The following IRAK2 variants were observed in gnomAD, a reference collection of about 807,000 sequenced individuals.
IRAK2 encodes the protein interleukin-1 receptor-associated kinase-like 2.
A neutral mutation model predicts 72.0 loss-of-function variants in IRAK2; 57 were observed. The observed-to-expected ratio is 0.79, with a 90% CI of 0.64 to 0.99. The LOEUF is 0.99. IRAK2 is among the 50% of genes least tolerant of loss of function. The probability of loss-of-function intolerance (pLI) is 0.00; values close to 1 mark genes in which losing one functional copy is unlikely to be tolerated. For missense variants in IRAK2, 790 were observed against 794.4 expected (o/e 0.99, Z 0.07); for synonymous variants, 293 against 312.7 (o/e 0.94, Z 0.67).
At chr3:10,209,039 A>G (rs1169392302) in intron 3 of IRAK2, among the ~76,000 whole-genome samples, 3 of 151,696 alleles carry the variant, frequency 2.0e-5, no homozygotes, top group Non-Finnish European at 2.9e-5. Context: ...GTTTCTCCAT[A>G]TTTCAAGCCC....
At chr3:10,185,254 T>C (rs1697054742) in intron 2 of IRAK2, among the ~76,000 whole-genome samples, 2 of 151,108 alleles carry the variant, frequency 1.3e-5, no homozygotes, top group Non-Finnish European at 2.9e-5. Flanking sequence ...TGATGCACCT[T>C]GAAGTTTAAG....
At chr3:10,205,695 T>C (rs1470242125) in intron 3 of IRAK2, among the ~76,000 whole-genome samples, 3 of 152,210 alleles carry the variant, frequency 2.0e-5, no homozygotes, top group Non-Finnish European at 4.4e-5. Context: ...ACCTGGGTGT[T>C]AGCACAAATA....
intron 9 of IRAK2, among the ~76,000 whole-genome samples, chr3:10,225,640 T>A (rs1052721927): frequency 2.0e-5 from 3 of 152,134 alleles, no homozygotes; most frequent in Non-Finnish European, 2.9e-5. Context: ...GCATGCAGAG[T>A]CTTTCCTTCC....
chr3:10,242,108 A>T lies in IRAK2; in HGVS notation c.1766-8A>T. The stretch of plus-strand genomic sequence containing the variant: ...AGTCGCTCTTGTTTGCTTTCTGTTG[A>T]ACATCAGTTACAGAAACTTCGTGGC... On this transcript the variant is annotated splice_polypyrimidine_tract_variant and splice_region_variant and intron_variant, in intron 12 of 12. Transcript: ENST00000256458. 1.3e-6 allele frequency: 2 copies of T among 1,514,974 alleles called. No homozygotes were observed. The highest frequency in any genetic ancestry group is 1.8e-6 in the Non-Finnish European group (2 of 1,092,312). The allele number at this position is 1,514,974 out of a possible 1,614,324, so 93.8% of individuals were successfully genotyped here.
chr3:10,172,392 G>T (rs1172214508), intron 1 of IRAK2, among the ~76,000 whole-genome samples: 2 of 151,638 alleles, frequency 1.3e-5, no homozygotes, highest in African/African-American at 4.8e-5. Flanking sequence ...CAAAAAATTA[G>T]CCAGGTGTGA....
chr3:10,171,837 C>T (rs1696799071), intron 1 of IRAK2, among the ~76,000 whole-genome samples: 1 of 150,668 alleles, frequency 6.6e-6, no homozygotes, highest in Non-Finnish European at 1.5e-5. Context: ...GCAATCTCAG[C>T]TCACTGCAAC....
At chr3:10,188,736 G>A (rs1464876477) in intron 2 of IRAK2, among the ~76,000 whole-genome samples, 1 of 152,232 alleles carries the variant, frequency 6.6e-6, no homozygotes, top group African/African-American at 2.4e-5. Flanking sequence ...ATGTTGGTCA[G>A]GCTGGTCTCA....
intron 4 of IRAK2, among the ~76,000 whole-genome samples, chr3:10,210,629 G>A (rs1697503009): frequency 6.6e-6 from 1 of 152,116 alleles, no homozygotes; most frequent in East Asian, 1.9e-4. Context: ...TCACATGCCT[G>A]TAGTCCTGGC....
intron 2 of IRAK2, among the ~76,000 whole-genome samples, chr3:10,182,904 A>G (rs1696983628): frequency 2.6e-5 from 4 of 151,290 alleles, no homozygotes; most frequent in African/African-American, 9.7e-5. Flanking sequence ...CCAAGTAGCT[A>G]GGATTATAGG....
Position 10,164,972 on chromosome 3 carries a change from C to T in IRAK2, c.18C>T (p.Tyr6=), listed in dbSNP as rs1370590732. The T allele has an allele frequency of 1.2e-6, 2 of 1,610,816 alleles. No homozygotes were observed. Among genetic ancestry groups the T allele is most frequent in the Admixed American group, 3.3e-5 (2 of 59,922 alleles). The change falls in exon 1 of 13, where the codon TAC becomes TAT. Residue 6 remains tyrosine (Y), a synonymous_variant. Transcript: ENST00000256458. Reference sequence around the variant, plus strand: ...AGCGTGCCATGGCCTGCTACATCTACCAGCTGCCCTCCTGGGTGCTGGACG... The same window carrying T: ...AGCGTGCCATGGCCTGCTACATCTATCAGCTGCCCTCCTGGGTGCTGGACG... MACYI[Y]QLPSWVLDDL...
At chr3:10,204,401 G>A (rs112487097) in intron 3 of IRAK2, among the ~76,000 whole-genome samples, 1 of 152,272 alleles carries the variant, frequency 6.6e-6, no homozygotes, top group African/African-American at 2.4e-5. Flanking sequence ...ATACAGTGCC[G>A]CTGCTTCTGC....
At chr3:10,227,083 C>G (rs1697791108) in intron 10 of IRAK2, among the ~76,000 whole-genome samples, 1 of 151,902 alleles carries the variant, frequency 6.6e-6, no homozygotes, top group Admixed American at 6.6e-5. Context: ...CCCTTTTAAA[C>G]AAGTTTCTAT....
intron 3 of IRAK2, among the ~76,000 whole-genome samples, chr3:10,208,422 G>A (rs960169673): frequency 6.6e-6 from 1 of 151,044 alleles, no homozygotes; most frequent in African/African-American, 2.5e-5. Context: ...ATCCTCCCAA[G>A]TAGAGGGGAC....
chr3:10,199,625 C>G (rs1055129092), intron 2 of IRAK2, among the ~76,000 whole-genome samples: 4 of 152,178 alleles, frequency 2.6e-5, no homozygotes, highest in African/African-American at 9.7e-5. Context: ...GGGATGGTGT[C>G]TTTGACCCGC....
In IRAK2 at chr3:10,186,138, G is replaced by A. The variant is rs1042328525; in HGVS notation, c.277+8118G>A. On this transcript the variant is annotated intron_variant, in intron 2 of 12. Transcript: ENST00000256458. ...TCCTCCGTGATTTCTGGGAAGTGGA[G>A]CTTCCACGTTCATTATTCTCTGTGG... Among the ~76,000 whole-genome samples the A allele has an allele frequency of 2.3e-4, 35 of 151,634 alleles. 1 individual carries two copies. The highest frequency in any genetic ancestry group is 8.1e-4 in the African/African-American group (33 of 40,936).
chr3:10,178,811 C>CT (rs567815476), intron 2 of IRAK2, among the ~76,000 whole-genome samples: 1 of 151,558 alleles, frequency 6.6e-6, no homozygotes, highest in Non-Finnish European at 1.5e-5. Flanking sequence ...TTTTTAAAAA[C>CT]TTTTTTTTTG....
rs1239254460 is a variant in IRAK2, at chr3:10,239,004, C to T, written c.1730C>T (p.Ser577Phe). 2 of 1,612,392 alleles carry T rather than the reference C, an allele frequency of 1.2e-6. No individual in the cohort carries two copies. The highest frequency in any genetic ancestry group is 3.3e-5 in the Admixed American group (2 of 59,994). ...GTGGGAAGGGAGGCTGACTCCTCCTCTGAGGCCTGTGTTGGCCTGGAGCCT... is the reference window on the plus strand; with the variant it reads ...GTGGGAAGGGAGGCTGACTCCTCCTTTGAGGCCTGTGTTGGCCTGGAGCCT... ...VIVGREADSS[S>F]EACVGLEPPQ... The change falls in exon 12 of 13, where the codon TCT (serine) becomes TTT (phenylalanine). Residue 577 changes from serine to phenylalanine, a missense_variant. Coordinates refer to ENST00000256458, the MANE Select transcript of IRAK2 (RefSeq NM_001570.4).
In IRAK2 at chr3:10,243,744, G is replaced by A. The variant is rs1337518018; in HGVS notation, c.*1516G>A. The A allele has an allele frequency of 1.3e-5, 2 of 152,014 alleles. No individual in the cohort carries two copies. Among genetic ancestry groups the A allele is most frequent in the Non-Finnish European group, 2.9e-5 (2 of 68,022 alleles). The allele number at this position is 152,014 out of a possible 1,614,324, so 9.4% of individuals were successfully genotyped here. On this transcript the variant is annotated 3_prime_UTR_variant, in exon 13 of 13. Coordinates refer to ENST00000256458, the MANE Select transcript of IRAK2 (RefSeq NM_001570.4). The stretch of plus-strand genomic sequence containing the variant: ...ATAATAAAAATATATTTGTAAAGTC[G>A]ACAGACAACTTGTAATTAGTTTTGT...
chr3:10,166,706 G>A (rs535134168), intron 1 of IRAK2, among the ~76,000 whole-genome samples: 6 of 152,060 alleles, frequency 3.9e-5, no homozygotes, highest in South Asian at 4.1e-4. Flanking sequence ...ATGCAGTGGC[G>A]AGATCTCGGC....
Sources: gnomAD v4.1 joint callset for allele counts (sites outside exome capture counted in the v4.1 genomes callset) on GRCh38, gnomAD v4.1.1 for gene constraint, MANE v1.5 for transcripts, NCBI Gene and HGNC (gene_info 2026-07-23, HGNC 2026-07-21) for gene names.